Variants in BCAS3 observed in about 807,000 individuals in gnomAD.
BCAS3 encodes the protein BCAS4/BCAS3 fusion.
BCAS3 carries 53 observed loss-of-function variants against 116.1 expected under a neutral mutation model. That is an observed-to-expected ratio of 0.46 (90% CI 0.37 to 0.57). The LOEUF (loss-of-function observed/expected upper bound fraction) is 0.57. Ranked by LOEUF, BCAS3 falls within the 20% of genes least tolerant of loss-of-function variation. The pLI is 0.00. For synonymous variants in BCAS3, 391 were observed against 408.2 expected (o/e 0.96, Z 0.51); for missense variants, 917 against 1,165.4 (o/e 0.79, Z 3.10).
intron 23 of BCAS3, chr17:61,384,810 G>C (rs1486785093): frequency 6.6e-6 from 1 of 152,366 alleles, no homozygotes; most frequent in Non-Finnish European, 1.5e-5. Flanking sequence ...GCTCACTGCT[G>C]GTAGGCAAAG....
chr17:61,238,276 G>A (rs1170274222), intron 22 of BCAS3, among the ~76,000 whole-genome samples: 1 of 145,538 alleles, frequency 6.9e-6, no homozygotes, highest in Admixed American at 7.1e-5. Context: ...AGGCTGGAGC[G>A]CAGTGGCATG....
rs192149508 is a variant in BCAS3 at position 61,261,521 on chromosome 17, C to A, written c.2426-106806C>A. ...TCTGTTTTCCAACCTCATTACTCTT[C>A]TGTTATTACATTCATTAGAAAAAAG... On this transcript the variant is annotated intron_variant, in intron 22 of 23. Coordinates refer to ENST00000407086, the MANE Select transcript of BCAS3 (RefSeq NM_017679.5). The surrounding 1 kb of genome is among the most constrained non-coding windows in gnomAD (Gnocchi z 4.4). 5.9e-5 allele frequency among the ~76,000 whole-genome samples: 9 copies of A among 152,278 alleles called. No homozygotes were observed. The highest frequency in any genetic ancestry group is 2.6e-4 in the Admixed American group (4 of 15,298).
intron 4 of BCAS3, among the ~76,000 whole-genome samples, chr17:60,708,823 C>T (rs1366129990): frequency 6.6e-6 from 1 of 152,148 alleles, no homozygotes; most frequent in Admixed American, 6.6e-5. Context: ...CCACCGGGCC[C>T]AGCCTATTTA....
At chr17:60,971,194 T>C (rs1242112557) in intron 14 of BCAS3, among the ~76,000 whole-genome samples, 1 of 152,192 alleles carries the variant, frequency 6.6e-6, no homozygotes, top group African/African-American at 2.4e-5. Context: ...GGTGCATCTG[T>C]AGTCTGCGAG....
intron 19 of BCAS3, among the ~76,000 whole-genome samples, chr17:61,050,201 A>G (rs1274264337): frequency 6.6e-6 from 1 of 152,048 alleles, no homozygotes; most frequent in Non-Finnish European, 1.5e-5. Context: ...AGTCCTTAAA[A>G]CAGAAGAAAA....
intron 19 of BCAS3, among the ~76,000 whole-genome samples, chr17:61,049,065 A>G (rs1475453519): frequency 6.6e-6 from 1 of 152,020 alleles, no homozygotes; most frequent in Non-Finnish European, 1.5e-5. Context: ...TTGGGATGCC[A>G]AAGTGGAAGG....
In BCAS3 at chr17:61,152,177, C is replaced by A. The variant is rs549337925; in HGVS notation, c.2425+67613C>A. ...GAGCAAAAGAACAAAGCTTTCACAGCGTGGAAGGGGACCCAAGCAGGTTGC... is the reference window on the plus strand; with the variant it reads ...GAGCAAAAGAACAAAGCTTTCACAGAGTGGAAGGGGACCCAAGCAGGTTGC... On this transcript the variant is annotated intron_variant, in intron 22 of 23. Coordinates refer to ENST00000407086, the MANE Select transcript of BCAS3 (RefSeq NM_017679.5). Among the ~76,000 whole-genome samples, 28 of 152,252 alleles carry A rather than the reference C, an allele frequency of 1.8e-4. No individual in the cohort carries two copies. The East Asian group carries it at 3.5e-3, about 19-fold the overall frequency.
chr17:60,736,765 G>A (rs12946938), intron 5 of BCAS3, among the ~76,000 whole-genome samples: 124,435 of 152,024 alleles, frequency 0.82, 56,273 homozygotes, highest in Non-Finnish European at 0.99. Context: ...GTCTTTCAAG[G>A]GGTTGGTCCA....
At chr17:61,030,876 T>C (rs1215281607) in intron 16 of BCAS3, among the ~76,000 whole-genome samples, 1 of 151,864 alleles carries the variant, frequency 6.6e-6, no homozygotes, top group African/African-American at 2.4e-5. Flanking sequence ...TGTGAAAAAC[T>C]AAGGGTAGTA....
chr17:60,794,862 C>A (rs2047076903), intron 6 of BCAS3, among the ~76,000 whole-genome samples: 1 of 152,044 alleles, frequency 6.6e-6, no homozygotes, highest in Non-Finnish European at 1.5e-5. Flanking sequence ...GTTCTTTTTG[C>A]TTAGTCTTGC....
In BCAS3 at chr17:61,134,676, G is replaced by A. The variant is rs1312503591; in HGVS notation, c.2425+50112G>A. 6.6e-6 allele frequency among the ~76,000 whole-genome samples: 1 copy of A among 152,168 alleles called. No individual in the cohort carries two copies. Among genetic ancestry groups the A allele is most frequent in the Non-Finnish European group, 1.5e-5 (1 of 68,026 alleles). On this transcript the variant is annotated intron_variant, in intron 22 of 23. Transcript: ENST00000407086. The surrounding 1 kb of genome is among the most constrained non-coding windows in gnomAD (Gnocchi z 4.6). ...ATGATAGCTAGCATTGATGGAGCCT[G>A]TACTATATAATTATGTAATTATATT... is the stretch of plus-strand genomic sequence containing the variant.
chr17:60,699,922 T>C (rs1336025458), intron 4 of BCAS3, among the ~76,000 whole-genome samples: 2 of 149,866 alleles, frequency 1.3e-5, no homozygotes, highest in African/African-American at 4.9e-5. Flanking sequence ...ACCTGTAATC[T>C]CAGCACTTTG....
intron 22 of BCAS3, among the ~76,000 whole-genome samples, chr17:61,250,063 C>T (rs889757278): frequency 2.0e-5 from 3 of 152,044 alleles, no homozygotes; most frequent in Admixed American, 6.6e-5. Context: ...TAAGGAAGGT[C>T]GAAGACACCA....
chr17:60,981,034 C>T (rs1205425296), intron 14 of BCAS3, among the ~76,000 whole-genome samples: 1 of 151,946 alleles, frequency 6.6e-6, no homozygotes, highest in Admixed American at 6.6e-5. Context: ...CAGGTCCTTG[C>T]TATGTTGCAC....
intron 22 of BCAS3, among the ~76,000 whole-genome samples, chr17:61,116,008 G>A (rs371281360): frequency 1.2e-4 from 18 of 147,390 alleles, no homozygotes; most frequent in South Asian, 4.3e-4. Context: ...ACCAAACACC[G>A]CATATTCTCA....
At chr17:61,245,013 C>G (rs1468381248) in intron 22 of BCAS3, among the ~76,000 whole-genome samples, 1 of 152,188 alleles carries the variant, frequency 6.6e-6, no homozygotes, top group Admixed American at 6.5e-5. Flanking sequence ...TCAGTCCATT[C>G]TCACGCTGCT....
At chr17:60,791,601 C>A (rs1598743148) in intron 6 of BCAS3, among the ~76,000 whole-genome samples, 1 of 152,078 alleles carries the variant, frequency 6.6e-6, no homozygotes, top group East Asian at 1.9e-4. Context: ...CTGGAGTGAG[C>A]TATGATGTCC....
chr17:60,879,107 G>T (rs2055880854), intron 9 of BCAS3, among the ~76,000 whole-genome samples: 1 of 152,072 alleles, frequency 6.6e-6, no homozygotes, highest in Admixed American at 6.6e-5. Flanking sequence ...GTAGGGAGCA[G>T]GTGGGACAGG....
rs1650684764 is a variant in BCAS3, at chr17:61,180,249, T to C, written c.2425+95685T>C. Among the ~76,000 whole-genome samples the C allele has an allele frequency of 1.3e-5, 2 of 152,196 alleles. No individual in the cohort carries two copies. The highest frequency in any genetic ancestry group is 4.8e-5 in the African/African-American group (2 of 41,438). ...TATTAATCCCAAGAGCTTTCTAATA[T>C]TCTTTTCTCATTCTAATGAGAAGTC... is the stretch of plus-strand genomic sequence containing the variant. On this transcript the variant is annotated intron_variant, in intron 22 of 23. Coordinates refer to ENST00000407086, the MANE Select transcript of BCAS3 (RefSeq NM_017679.5). The surrounding 1 kb of genome is among the most constrained non-coding windows in gnomAD (Gnocchi z 6.0).
Sources: allele counts gnomAD v4.1 joint callset (sites outside exome capture counted in the v4.1 genomes callset), GRCh38; gene constraint gnomAD v4.1.1; non-coding constraint Gnocchi (gnomAD v3.1); transcripts MANE v1.5; gene names NCBI Gene and HGNC (gene_info 2026-07-23, HGNC 2026-07-21).